Variants in NCKAP5 observed in about 807,000 individuals in gnomAD.
The protein encoded by NCKAP5 is NCK associated protein 5.
A neutral mutation model predicts 167.0 loss-of-function variants in NCKAP5; 92 were observed. The observed-to-expected ratio is 0.55, with a 90% CI of 0.47 to 0.66. The LOEUF (loss-of-function observed/expected upper bound fraction) is 0.66. Among genes scored for constraint, NCKAP5 ranks in the 30% least tolerant of loss-of-function variants. The pLI is 0.00. For synonymous variants in NCKAP5, 891 were observed against 877.4 expected, an observed-to-expected ratio of 1.02 and a Z score of -0.27; for missense variants, 2,378 against 2,315.0, an observed-to-expected ratio of 1.03 and a Z score of -0.56.
chr2:133,538,921 GT>G (rs368506375), intron 2 of NCKAP5, among the ~76,000 whole-genome samples: 1,547 of 131,198 alleles, frequency 0.012, 59 homozygotes, highest in African/African-American at 0.043. Context: ...TTTTTTTGTG[GT>G]TTTTTTGGGT....
chr2:133,390,571 T>C (rs1317962552), intron 3 of NCKAP5, among the ~76,000 whole-genome samples: 1 of 152,222 alleles, frequency 6.6e-6, no homozygotes, highest in Non-Finnish European at 1.5e-5. Flanking sequence ...ATAACACTTT[T>C]CAGTTTTCTC....
In NCKAP5 at chr2:133,103,980, CT is replaced by C. The variant is rs71398584; in HGVS notation, c.341+25997del. 3.1e-4 allele frequency among the ~76,000 whole-genome samples: 46 copies of C among 149,296 alleles called. 1 individual carries two copies. Among genetic ancestry groups the C allele is most frequent in the South Asian group, 2.8e-3 (13 of 4,672 alleles). On this transcript the variant is annotated intron_variant, in intron 6 of 19. Coordinates refer to ENST00000409261, the MANE Select transcript of NCKAP5 (RefSeq NM_207363.3). ...TCTTTTCAACAATAAACTGAGGTGA[CT>C]TTTTTTTTTATCATGTCCTACACTC... is the stretch of plus-strand genomic sequence containing the variant.
intron 8 of NCKAP5, among the ~76,000 whole-genome samples, chr2:132,954,159 A>G (rs2076274537): frequency 6.6e-6 from 1 of 152,206 alleles, no homozygotes; most frequent in African/African-American, 2.4e-5. Context: ...CTTGCAACTG[A>G]AAGAGTAATC....
chr2:133,105,839 A>G (rs1289480896), intron 6 of NCKAP5, among the ~76,000 whole-genome samples: 3 of 152,206 alleles, frequency 2.0e-5, no homozygotes, highest in South Asian at 2.1e-4. Context: ...CTGCTTATAT[A>G]TTCTGGGATT....
rs115187571 is a variant in NCKAP5 at position 133,327,971 on chromosome 2, C to T, written c.70-24861G>A. ...CTACAATGCCCAGGATAGCCCCCAC[C>T]GCAGAGATTATTGAGCCCCAAGTAG... is the stretch of plus-strand genomic sequence containing the variant. On this transcript the variant is annotated intron_variant, in intron 3 of 19. Coordinates refer to ENST00000409261, the MANE Select transcript of NCKAP5 (RefSeq NM_207363.3). Among the ~76,000 whole-genome samples the T allele has an allele frequency of 9.5e-3, 1,443 of 152,172 alleles. 19 individuals are homozygous for T. The highest frequency in any genetic ancestry group is 0.033 in the African/African-American group (1,353 of 41,526).
chr2:133,394,613 A>G (rs1416281124), intron 3 of NCKAP5, among the ~76,000 whole-genome samples: 1 of 152,244 alleles, frequency 6.6e-6, no homozygotes, highest in Non-Finnish European at 1.5e-5. Context: ...AGCTTTGGAA[A>G]TTATCCAAAT....
chr2:133,004,466 G>C (rs887532936), intron 6 of NCKAP5, among the ~76,000 whole-genome samples: 6 of 152,058 alleles, frequency 3.9e-5, no homozygotes, highest in African/African-American at 1.4e-4. Context: ...ATCACATGTC[G>C]ACAGGTTCCA....
intron 6 of NCKAP5, among the ~76,000 whole-genome samples, chr2:133,043,954 T>C (rs757065748): frequency 4.6e-5 from 7 of 152,008 alleles, no homozygotes; most frequent in Admixed American, 3.3e-4. Flanking sequence ...AAAGGTGTAG[T>C]TCCTCACAAA....
intron 4 of NCKAP5, among the ~76,000 whole-genome samples, chr2:133,279,865 A>G (rs116332447): frequency 0.013 from 1,935 of 152,368 alleles, 22 homozygotes; most frequent in Middle Eastern, 0.034. Context: ...GTCTTAATTT[A>G]GTTATTCACA....
intron 3 of NCKAP5, among the ~76,000 whole-genome samples, chr2:133,454,827 A>G (rs1559496566): frequency 6.6e-6 from 1 of 152,102 alleles, no homozygotes; most frequent in Non-Finnish European, 1.5e-5. Flanking sequence ...AGCTATCTGC[A>G]GAACCCAAGA....
At chr2:133,286,806 A>G (rs1443186766) in intron 4 of NCKAP5, among the ~76,000 whole-genome samples, 1 of 85,968 alleles carries the variant, frequency 1.2e-5, no homozygotes, top group African/African-American at 3.6e-5. Flanking sequence ...AAAGACTGCG[A>G]AAAAAAACAT....
intron 2 of NCKAP5, among the ~76,000 whole-genome samples, chr2:133,520,560 T>C (rs567134334): frequency 1.3e-5 from 2 of 152,302 alleles, no homozygotes; most frequent in African/African-American, 4.8e-5. Flanking sequence ...AAGACTTAAA[T>C]ATTAGATATA....
At chr2:133,637,889 G>A in the NCKAP5 span, among the ~76,000 whole-genome samples, 1 of 152,052 alleles carries the variant, frequency 6.6e-6, no homozygotes, top group African/African-American at 2.4e-5. Flanking sequence ...TCCCCTCTCT[G>A]AATTTTTCTC....
At chr2:133,190,437 A>C in intron 5 of NCKAP5, among the ~76,000 whole-genome samples, 1 of 152,178 alleles carries the variant, frequency 6.6e-6, no homozygotes, top group East Asian at 1.9e-4. Flanking sequence ...TTCATATGGA[A>C]CCAAAAAAGA....
chr2:133,542,843 T>C (rs1686342570), intron 2 of NCKAP5, among the ~76,000 whole-genome samples: 1 of 152,218 alleles, frequency 6.6e-6, no homozygotes, highest in African/African-American at 2.4e-5. Context: ...TCAGGAGTTT[T>C]AAGGTGGTGA....
chr2:133,620,984 G>A, the NCKAP5 span, among the ~76,000 whole-genome samples: 2 of 152,106 alleles, frequency 1.3e-5, no homozygotes, highest in East Asian at 1.9e-4. Context: ...AAAACCATGC[G>A]AATACATGGA....
At chr2:133,609,235 CACT>C in the NCKAP5 span, among the ~76,000 whole-genome samples, 1 of 152,100 alleles carries the variant, frequency 6.6e-6, no homozygotes, top group African/African-American at 2.4e-5. Context: ...ATGTCCTTAC[CACT>C]GACTGGAAGC....
At chr2:133,529,134 A>AT (rs575142541) in intron 2 of NCKAP5, among the ~76,000 whole-genome samples, 26 of 151,768 alleles carry the variant, frequency 1.7e-4, no homozygotes, top group Admixed American at 3.9e-4. Flanking sequence ...CTATGAGATA[A>AT]TTTTTTTTTA....
chr2:133,146,513 A>G (rs528446174), intron 5 of NCKAP5, among the ~76,000 whole-genome samples: 1 of 152,094 alleles, frequency 6.6e-6, no homozygotes, highest in African/African-American at 2.4e-5. Context: ...ACACACTGTA[A>G]AGTGTGAGTT....
Sources: allele counts gnomAD v4.1 joint callset (sites outside exome capture counted in the v4.1 genomes callset), GRCh38; gene constraint gnomAD v4.1.1; transcripts MANE v1.5; gene names NCBI Gene and HGNC (gene_info 2026-07-23, HGNC 2026-07-21).